The following DYNLT2 variants were observed in gnomAD, a reference collection of about 807,000 sequenced individuals.
DYNLT2 encodes dynein light chain Tctex-type 2.
DYNLT2 carries 24 observed loss-of-function variants against 24.3 expected under a neutral mutation model. That is an observed-to-expected ratio of 0.99 (90% CI 0.71 to 1.39). DYNLT2 has a LOEUF of 1.39. Ranked by LOEUF, DYNLT2 falls within the 40% of genes most tolerant of loss-of-function variation. The pLI, the probability that DYNLT2 is intolerant of heterozygous loss-of-function variation, is 0.00. For missense variants in DYNLT2, 246 were observed against 234.5 expected, an observed-to-expected ratio of 1.05 and a Z score of -0.32; for synonymous variants, 85 against 85.4, an observed-to-expected ratio of 1.00 and a Z score of 0.03.
the DYNLT2 span, chr6:169,725,349 A>G: frequency 2.5e-6 from 1 of 398,672 alleles, no homozygotes; most frequent in Non-Finnish European, 4.4e-6. Flanking sequence ...GGGAAAGATA[A>G]AGGGATTATT....
chr6:169,739,668 T>C (rs1344055187), downstream of DYNLT2, among the ~76,000 whole-genome samples: 1 of 152,210 alleles, frequency 6.6e-6, no homozygotes. Context: ...TACACACTTG[T>C]AAGCAGTTTG....
the DYNLT2 span, among the ~76,000 whole-genome samples, chr6:169,727,937 T>A: frequency 0.17 from 26,508 of 152,154 alleles, 2,817 homozygotes; most frequent in East Asian, 0.3. Flanking sequence ...CTGACAGTTG[T>A]GTAGGGGAGA....
intron 1 of DYNLT2, among the ~76,000 whole-genome samples, chr6:169,749,232 C>G (rs1051038157): frequency 4.6e-5 from 7 of 152,140 alleles, no homozygotes; most frequent in Non-Finnish European, 1.0e-4. Flanking sequence ...CCCTGAGTAG[C>G]TGGGATTACA....
chr6:169,725,732 C>G, the DYNLT2 span: 67 of 157,128 alleles, frequency 4.3e-4, no homozygotes, highest in African/African-American at 1.5e-3. Flanking sequence ...TGAAAGCTGT[C>G]AGAGAATGGA....
At chr6:169,741,576 T>C (rs1332666642) in intron 3 of DYNLT2, among the ~76,000 whole-genome samples, 1 of 152,150 alleles carries the variant, frequency 6.6e-6, no homozygotes, top group Non-Finnish European at 1.5e-5. Flanking sequence ...TACAATAATA[T>C]AAGCTGAAAC....
the DYNLT2 span, among the ~76,000 whole-genome samples, chr6:169,728,368 T>C: frequency 6.6e-6 from 1 of 152,168 alleles, no homozygotes; most frequent in Non-Finnish European, 1.5e-5. Context: ...AATGATTGCA[T>C]GAGAATAACT....
the DYNLT2 span, among the ~76,000 whole-genome samples, chr6:169,728,095 T>C: frequency 6.6e-6 from 1 of 152,198 alleles, no homozygotes; most frequent in Non-Finnish European, 1.5e-5. Flanking sequence ...TCAGTCAAGT[T>C]TACCTACTTG....
In DYNLT2 at chr6:169,749,193, G is replaced by A. The variant is rs17860624; in HGVS notation, c.120+2146C>T. ...CGGCTCACTGCAACTTCCTCCTCCC[G>A]GGTTCAAGCAATTCTCGTGCCTCAG... On this transcript the variant is annotated intron_variant, in intron 1 of 3. Coordinates refer to ENST00000366774, the MANE Select transcript of DYNLT2 (RefSeq NM_174910.3). Among the ~76,000 whole-genome samples the A allele has an allele frequency of 7.6e-3, 1,154 of 152,084 alleles. 8 individuals are homozygous for A. The highest frequency in any genetic ancestry group is 0.012 in the African/African-American group (480 of 41,502).
At chr6:169,749,060 A>G (rs939909479) in intron 1 of DYNLT2, among the ~76,000 whole-genome samples, 10 of 152,062 alleles carry the variant, frequency 6.6e-5, no homozygotes, top group Non-Finnish European at 1.2e-4. Context: ...GGCAGGAGAT[A>G]TTACTTTTAT....
chr6:169,731,623 A>G, the DYNLT2 span, among the ~76,000 whole-genome samples: 12 of 152,176 alleles, frequency 7.9e-5, no homozygotes, highest in Non-Finnish European at 2.9e-5. Flanking sequence ...CCTAGAACAT[A>G]GTAGATGCAT....
chr6:169,725,127 C>G, the DYNLT2 span: 1 of 398,684 alleles, frequency 2.5e-6, no homozygotes. Flanking sequence ...TCGGGCTGCA[C>G]CAGGGCACTT....
intron 1 of DYNLT2, among the ~76,000 whole-genome samples, chr6:169,744,794 A>G (rs566401513): frequency 1.3e-5 from 2 of 152,362 alleles, no homozygotes; most frequent in South Asian, 2.1e-4. Flanking sequence ...TTTGATATAT[A>G]TATCAGTTCA....
intron 3 of DYNLT2, among the ~76,000 whole-genome samples, chr6:169,740,547 G>A (rs1250920164): frequency 6.6e-6 from 1 of 152,100 alleles, no homozygotes; most frequent in Non-Finnish European, 1.5e-5. Context: ...CCAGGGCCAG[G>A]AGCAGAAGGC....
chr6:169,729,903 C>T, the DYNLT2 span, among the ~76,000 whole-genome samples: 6 of 151,830 alleles, frequency 4.0e-5, no homozygotes, highest in Admixed American at 2.0e-4. Context: ...CCTCTAGAAC[C>T]TCAATAAAAA....
chr6:169,740,009 G>GT, downstream of DYNLT2: 1 of 550,552 alleles, frequency 1.8e-6, no homozygotes, highest in South Asian at 2.7e-5. Flanking sequence ...TAATATAACA[G>GT]TAAGTATAAA....
intron 1 of DYNLT2, among the ~76,000 whole-genome samples, chr6:169,746,222 G>C (rs1301125596): frequency 6.6e-6 from 1 of 151,940 alleles, no homozygotes. Context: ...TTTTGGTTTT[G>C]TTGGTACCTG....
Position 169,743,205 on chromosome 6 carries a change from C to G in DYNLT2, c.361G>C (p.Val121Leu). 1 of 1,565,614 alleles carries G rather than the reference C, an allele frequency of 6.4e-7. No individual in the cohort carries two copies. The highest frequency in any genetic ancestry group is 8.7e-7 in the Non-Finnish European group (1 of 1,149,522). Residue 121 changes from valine to leucine, a missense_variant, in exon 3 of 4, where the codon GTA (valine) becomes CTA (leucine). Transcript: ENST00000366774. ...SLKDVKYDDK[V>L]FSHLSLELAD... ...AATTCAAGTGACAAGTGAGAGAATACTTTATCATCATATTTGACATCTTTA... is the reference window on the plus strand; with the variant it reads ...AATTCAAGTGACAAGTGAGAGAATAGTTTATCATCATATTTGACATCTTTA...
At chr6:169,727,683 C>T in the DYNLT2 span, among the ~76,000 whole-genome samples, 2 of 152,094 alleles carry the variant, frequency 1.3e-5, no homozygotes, top group South Asian at 4.1e-4. Context: ...CCTGCCTCAG[C>T]CTCCCAAGTA....
intron 1 of DYNLT2, among the ~76,000 whole-genome samples, chr6:169,746,691 T>G (rs1263280485): frequency 6.6e-6 from 1 of 152,070 alleles, no homozygotes; most frequent in African/African-American, 2.4e-5. Flanking sequence ...TATGCCTAAT[T>G]TTTTTCCTGA....
Sources: allele counts gnomAD v4.1 joint callset (sites outside exome capture counted in the v4.1 genomes callset), GRCh38; gene constraint gnomAD v4.1.1; transcripts MANE v1.5; gene names NCBI Gene and HGNC (gene_info 2026-07-23, HGNC 2026-07-21).